The following FKBP8 variants were observed in gnomAD, a reference collection of about 807,000 sequenced individuals.
FKBP8 encodes the protein FKBP prolyl isomerase 8.
Under a neutral mutation model 41.7 loss-of-function variants are expected in FKBP8, and 5 were observed. That is an observed-to-expected ratio of 0.12 (90% CI 0.06 to 0.25). FKBP8 has a LOEUF of 0.25. Ranked by LOEUF, FKBP8 falls within the 10% of genes least tolerant of loss-of-function variation. The pLI, the probability that FKBP8 is intolerant of heterozygous loss-of-function variation, is 1.00. For missense variants in FKBP8, 397 were observed against 563.0 expected (o/e 0.71, Z 2.98); for synonymous variants, 279 against 254.5 (o/e 1.10, Z -0.92).
chr19:18,542,906 C>G (rs1015806113), intron 1 of FKBP8: 4 of 1,281,922 alleles, frequency 3.1e-6, no homozygotes, highest in South Asian at 2.5e-5. Context: ...TCCTCCCGGG[C>G]TCGGAGCCCC....
At chr19:18,534,788 A>G (rs182480792) in intron 6 of FKBP8, among the ~76,000 whole-genome samples, 1,843 of 147,430 alleles carry the variant, frequency 0.013, 46 homozygotes, top group African/African-American at 0.047. Flanking sequence ...TATTATTACT[A>G]TTGTTATTAT....
At chr19:18,532,422 T>C (rs1332410679) in intron 8 of FKBP8, 167 bp from the exon 9 acceptor site, 4 of 879,094 alleles carry the variant, frequency 4.6e-6, no homozygotes, top group East Asian at 2.7e-5. Context: ...CCAAATCAAA[T>C]GGCCCCTCCT....
chr19:18,535,093 T>A (rs1976543572), intron 6 of FKBP8, among the ~76,000 whole-genome samples: 1 of 152,140 alleles, frequency 6.6e-6, no homozygotes, highest in African/African-American at 2.4e-5. Context: ...CCTACTTATT[T>A]ATTTATTTTA....
At chr19:18,539,846 G>A in intron 2 of FKBP8, 126 bp from the exon 3 acceptor site, 2 of 1,156,498 alleles carry the variant, frequency 1.7e-6, no homozygotes, top group Non-Finnish European at 2.5e-6. Flanking sequence ...CCCAACACTG[G>A]GGCACAAACC....
rs963566554 is a variant in FKBP8 at position 18,542,784 on chromosome 19, C to T, written c.-26+702G>A. 2.4e-5 allele frequency: 17 copies of T among 700,938 alleles called. No homozygotes were observed. In the East Asian group the frequency reaches 9.0e-4, roughly 37 times the overall value. 43.4% of individuals were successfully genotyped at this position (700,938 alleles called of 1,614,324 possible). ...TCTACAGCCTCTTCCTTGCCCCAGA[C>T]CTCCTGAACCAATAACCAACCCCTC... On this transcript the variant is annotated intron_variant, in intron 1 of 8. Coordinates refer to ENST00000608443, the MANE Select transcript of FKBP8 (RefSeq NM_012181.5).
rs1218753312 is a variant in FKBP8, at chr19:18,543,565, G to A, written c.-105C>T. 6 of 151,118 alleles carry A rather than the reference G, an allele frequency of 4.0e-5. No homozygotes were observed. Among genetic ancestry groups the A allele is most frequent in the Non-Finnish European group, 8.9e-5 (6 of 67,776 alleles). 9.4% of individuals were successfully genotyped at this position (151,118 alleles called of 1,614,324 possible). ...CGCGGCCGCCGCGCCTCGGGAACCAGGTTCGGCCGCTTGGCCCCGCCCCTG... is the reference window on the plus strand; with the variant it reads ...CGCGGCCGCCGCGCCTCGGGAACCAAGTTCGGCCGCTTGGCCCCGCCCCTG... On this transcript the variant is annotated 5_prime_UTR_variant, in exon 1 of 9. Coordinates refer to ENST00000608443, the MANE Select transcript of FKBP8 (RefSeq NM_012181.5).
chr19:18,541,041 G>T (rs143523143), intron 2 of FKBP8, among the ~76,000 whole-genome samples: 3 of 151,882 alleles, frequency 2.0e-5, no homozygotes, highest in Non-Finnish European at 4.4e-5. Flanking sequence ...GCATTATTTG[G>T]TATATTAGAT....
At chr19:18,539,277 A>G (rs1976647539) in intron 4 of FKBP8, 94 bp downstream of exon 4, 2 of 1,139,734 alleles carry the variant, frequency 1.8e-6, no homozygotes, top group African/African-American at 3.1e-5. Flanking sequence ...TTGTCTATAA[A>G]ATGGGCAAGT....
Position 18,538,252 on chromosome 19 carries a change from C to A in FKBP8, c.736G>T (p.Asp246Tyr), listed in dbSNP as rs1287886403. Residue 246 changes from aspartate (D) to tyrosine (Y), a missense_variant, in exon 5 of 9, where the codon GAC becomes TAC. By Grantham distance (160) the Asp-to-Tyr change is radical. Coordinates refer to ENST00000608443, the MANE Select transcript of FKBP8 (RefSeq NM_012181.5). The surrounding 1 kb of genome is among the most constrained non-coding windows in gnomAD (Gnocchi z 4.0). ...GAGGTGATAGCCTTGATGGCGAGGT[C>A]GTAGGAGTTGGCGGCCAGGACGAAG... ...ADFVLAANSYDLAIKAITSSA... is the reference protein window; with the variant it reads ...ADFVLAANSYYLAIKAITSSA... The A allele has an allele frequency of 6.2e-7, 1 of 1,612,940 alleles. No homozygotes were observed. Among genetic ancestry groups the A allele is most frequent in the South Asian group, 1.1e-5 (1 of 90,980 alleles).
Position 18,539,614 on chromosome 19 carries a change from A to G in FKBP8, c.399T>C (p.Asn133=). ...CCGGCTCCTCCTGCACCCGTGTGCCATTCTCCAGCGACGTCTGCAGATGTA... is the reference window on the plus strand; with the variant it reads ...CCGGCTCCTCCTGCACCCGTGTGCCGTTCTCCAGCGACGTCTGCAGATGTA... The part of the protein sequence containing the change: ...VTVHLQTSLE[N]GTRVQEEPEL... Residue 133 remains asparagine, a synonymous_variant, in exon 3 of 9, where the codon AAT becomes AAC. Coordinates refer to ENST00000608443, the MANE Select transcript of FKBP8 (RefSeq NM_012181.5). 1 of 1,613,202 alleles carries G rather than the reference A, an allele frequency of 6.2e-7. No homozygotes were observed. The highest frequency in any genetic ancestry group is 1.7e-4 in the Middle Eastern group (1 of 6,060).
intron 1 of FKBP8, chr19:18,542,864 C>A (rs1159800029): frequency 7.8e-7 from 1 of 1,276,834 alleles, no homozygotes; most frequent in Non-Finnish European, 1.0e-6. Context: ...AACCAGCCCG[C>A]CGCATCCCCT....
intron 7 of FKBP8, 187 bp downstream of exon 7, chr19:18,533,081 TGA>T (rs1220842029): frequency 1.5e-6 from 1 of 677,030 alleles, no homozygotes; most frequent in East Asian, 2.8e-5. Context: ...GCTGGAGGAG[TGA>T]GAGCCCAGAC....
chr19:18,539,777 T>A lies in FKBP8; in HGVS notation c.293-57A>T, dbSNP rs540752570. ...CCTGGCAGCTCAAACAGGCACCCGC[T>A]CCCCTGAGCCCCCACTCCTACCCTC... On this transcript the variant is annotated intron_variant, in intron 2 of 8. Transcript: ENST00000608443. The A allele has an allele frequency of 1.2e-5, 19 of 1,580,112 alleles. No individual in the cohort carries two copies. In the African/African-American group the frequency reaches 2.5e-4, roughly 21 times the overall value.
In FKBP8 at chr19:18,537,825, C is replaced by T. The variant is rs555547111; in HGVS notation, c.773-52G>A. On this transcript the variant is annotated intron_variant, in intron 5 of 8. Coordinates refer to ENST00000608443, the MANE Select transcript of FKBP8 (RefSeq NM_012181.5). This position sits in a 1 kb window ranked among gnomAD's most constrained non-coding sequence, Gnocchi z 4.4. The stretch of plus-strand genomic sequence containing the variant: ...CAGCCGTCACCATGCCACCAGACAC[C>T]CCGGCACCCACCCCTCTGCGGAGGC... 5.9e-5 allele frequency: 91 copies of T among 1,555,068 alleles called. 1 individual carries two copies. The South Asian group carries it at 1.0e-3, about 18-fold the overall frequency.
At chr19:18,543,000 C>A (rs1391567708) in intron 1 of FKBP8, 9 of 871,116 alleles carry the variant, frequency 1.0e-5, no homozygotes, top group Admixed American at 2.9e-5. Context: ...CCCACCCCAA[C>A]CACCACCGCC....
At chr19:18,534,106 C>T (rs2314669) in intron 6 of FKBP8, among the ~76,000 whole-genome samples, 9,802 of 151,196 alleles carry the variant, frequency 0.065, 914 homozygotes, top group African/African-American at 0.21. Flanking sequence ...GACGTCAAGA[C>T]CATCCTGGCT....
intron 6 of FKBP8, among the ~76,000 whole-genome samples, chr19:18,535,074 C>T (rs1267909111): frequency 1.3e-5 from 2 of 152,074 alleles, no homozygotes; most frequent in South Asian, 2.1e-4. Context: ...CATGAGCCAC[C>T]GCTCCAGGCC....
chr19:18,539,683 C>CCCTGGG lies in FKBP8; in HGVS notation c.324_329dup (p.Gly110_Pro111dup), dbSNP rs1325499236. On this transcript the variant is annotated inframe_insertion, in exon 3 of 9. Coordinates refer to ENST00000608443, the MANE Select transcript of FKBP8 (RefSeq NM_012181.5). The stretch of plus-strand genomic sequence containing the variant: ...TGACCGGGCGGCTCGAACCTGGCGG[C>CCCTGGG]CCTGGGACCAGCGTCTTCTTCCTCA... The CCCTGGG allele has an allele frequency of 6.2e-7, 1 of 1,610,404 alleles. No homozygotes were observed. The highest frequency in any genetic ancestry group is 2.2e-5 in the East Asian group (1 of 44,878).
At position 18,537,639 on chromosome 19, in the gene FKBP8, G is replaced by C. The variant is rs974927432; in HGVS notation, c.907C>G (p.Gln303Glu). ...AAGAGAGCCTTGATGTTGTCTGGCT[G>C]GTGCTCCAGCACAAGGCTGCAGGAG... Reference protein sequence around the residue: ...LRSCSLVLEHQPDNIKALFRK... With the variant: ...LRSCSLVLEHEPDNIKALFRK... The change falls in exon 6 of 9, where the codon CAG (glutamine) becomes GAG (glutamate). Residue 303 changes from glutamine (Q) to glutamate (E), a missense_variant. By Grantham distance (29) the Gln-to-Glu change is conservative. Coordinates refer to ENST00000608443, the MANE Select transcript of FKBP8 (RefSeq NM_012181.5). This position sits in a 1 kb window ranked among gnomAD's most constrained non-coding sequence, Gnocchi z 4.4. The C allele has an allele frequency of 1.2e-6, 2 of 1,610,422 alleles. No individual in the cohort carries two copies. The highest frequency in any genetic ancestry group is 1.7e-5 in the Admixed American group (1 of 59,664).
Sources: allele counts gnomAD v4.1 joint callset (sites outside exome capture counted in the v4.1 genomes callset), GRCh38; gene constraint gnomAD v4.1.1; non-coding constraint Gnocchi (gnomAD v3.1); transcripts MANE v1.5; gene names NCBI Gene and HGNC (gene_info 2026-07-23, HGNC 2026-07-21).